Variants in ZCCHC14 observed in about 807,000 individuals in gnomAD.
ZCCHC14 encodes zinc finger CCHC domain-containing protein 14.
Under a neutral mutation model 85.0 loss-of-function variants are expected in ZCCHC14, and 16 were observed. The observed-to-expected ratio is 0.19, with a 90% CI of 0.13 to 0.29. The LOEUF (loss-of-function observed/expected upper bound fraction) is 0.29, where lower values mean the gene tolerates loss of function less well. Among genes scored for constraint, ZCCHC14 ranks in the 10% least tolerant of loss-of-function variants. ZCCHC14 has a pLI of 1.00. For missense variants in ZCCHC14, 1,303 were observed against 1,443.5 expected (o/e 0.90, Z 1.58); for synonymous variants, 775 against 630.7 (o/e 1.23, Z -3.43).
intron 1 of ZCCHC14, among the ~76,000 whole-genome samples, chr16:87,481,360 A>G (rs372400399): frequency 4.6e-5 from 7 of 152,008 alleles, no homozygotes; most frequent in South Asian, 2.1e-4. Flanking sequence ...ACAGATTTCT[A>G]ATCAGAAGCA....
chr16:87,483,990 C>G (rs571303121), intron 1 of ZCCHC14, among the ~76,000 whole-genome samples: 2 of 152,310 alleles, frequency 1.3e-5, no homozygotes, highest in South Asian at 4.1e-4. Flanking sequence ...ACTGAACAAG[C>G]TCTTTATGGA....
chr16:87,477,131 AAAAAAAAAAACAAAAC>A (rs1383629344), intron 1 of ZCCHC14, among the ~76,000 whole-genome samples: 6 of 144,258 alleles, frequency 4.2e-5, no homozygotes, highest in African/African-American at 1.6e-4. Context: ...AAAAAAAAAA[AAAAAAAAAAACAAAAC>A]AAAACCAAAA....
intron 1 of ZCCHC14, among the ~76,000 whole-genome samples, chr16:87,460,997 T>C (rs1292787737): frequency 6.6e-6 from 1 of 152,238 alleles, no homozygotes; most frequent in East Asian, 1.9e-4. Flanking sequence ...AATGACCTGA[T>C]GGGGTGTGCC....
Position 87,412,586 on chromosome 16 carries a change from A to G in ZCCHC14, c.2135T>C (p.Leu712Pro), listed in dbSNP as rs1455468564. The G allele has an allele frequency of 6.2e-7, 1 of 1,614,168 alleles. No individual in the cohort carries two copies. The highest frequency in any genetic ancestry group is 8.5e-7 in the Non-Finnish European group (1 of 1,180,030). ...ASAPHQPVQVLSGLSESSSMS... is the reference protein window; with the variant it reads ...ASAPHQPVQVPSGLSESSSMS... ...GGAGCTGCTCTCCGAAAGCCCAGAGAGGACCTGCACAGGCTGGTGGGGTGC... is the reference window on the plus strand; with the variant it reads ...GGAGCTGCTCTCCGAAAGCCCAGAGGGGACCTGCACAGGCTGGTGGGGTGC... The change falls in exon 12 of 13, where the codon CTC (leucine) becomes CCC (proline). Residue 712 changes from leucine to proline, a missense_variant. Around this residue, in one of 7 missense-constraint regions of ZCCHC14, gnomAD observed 797 missense variants for 730.8 expected, o/e 1.09. Transcript: ENST00000671377.
Position 87,491,589 on chromosome 16 carries a change from C to T in ZCCHC14, c.570+80G>A. The T allele has an allele frequency of 1.6e-6, 2 of 1,267,904 alleles. No homozygotes were observed. Among genetic ancestry groups the T allele is most frequent in the Non-Finnish European group, 2.0e-6 (2 of 990,122 alleles). The allele number at this position is 1,267,904 out of a possible 1,614,324, so 78.5% of individuals were successfully genotyped here. A position where few individuals can be genotyped will look rare whatever the true frequency, so the allele number is the denominator to read the frequency against. On this transcript the variant is annotated intron_variant, in intron 1 of 12. Coordinates refer to ENST00000671377, the MANE Select transcript of ZCCHC14 (RefSeq NM_015144.3). This position sits in a 1 kb window ranked among gnomAD's most constrained non-coding sequence, Gnocchi z 5.9. ...GCTGGAGGCGTGGGTCGGGGGGTCGCGGTGCAGGCTGGAGGCTTGGAGTGC... is the reference window on the plus strand; with the variant it reads ...GCTGGAGGCGTGGGTCGGGGGGTCGTGGTGCAGGCTGGAGGCTTGGAGTGC...
chr16:87,447,396 C>T (rs1910493958), intron 2 of ZCCHC14, among the ~76,000 whole-genome samples: 1 of 152,094 alleles, frequency 6.6e-6, no homozygotes, highest in South Asian at 2.1e-4. Flanking sequence ...TTTATATGCC[C>T]ATGTGATCAC....
intron 2 of ZCCHC14, among the ~76,000 whole-genome samples, chr16:87,447,897 A>G (rs1347311865): frequency 6.6e-6 from 1 of 152,224 alleles, no homozygotes; most frequent in African/African-American, 2.4e-5. Context: ...CTCGGTGAAT[A>G]GAAATGATAC....
chr16:87,459,068 G>A (rs144934614), intron 2 of ZCCHC14, among the ~76,000 whole-genome samples: 8 of 152,276 alleles, frequency 5.3e-5, no homozygotes, highest in African/African-American at 1.9e-4. Context: ...TCATAACACG[G>A]CAGAGGCTGG....
chr16:87,429,889 G>C (rs1187131791), intron 3 of ZCCHC14, among the ~76,000 whole-genome samples: 1 of 152,210 alleles, frequency 6.6e-6, no homozygotes. Flanking sequence ...TTACAGGCGT[G>C]AGCCACCGCG....
At chr16:87,455,310 A>G (rs745388765) in intron 2 of ZCCHC14, among the ~76,000 whole-genome samples, 1 of 151,902 alleles carries the variant, frequency 6.6e-6, no homozygotes, top group Non-Finnish European at 1.5e-5. Context: ...GCAAAAAAAA[A>G]TACTGGAAAG....
rs1328654632 is a variant in ZCCHC14, at chr16:87,415,260, C to T, written c.1475+16G>A. On this transcript the variant is annotated intron_variant, in intron 9 of 12. Coordinates refer to ENST00000671377, the MANE Select transcript of ZCCHC14 (RefSeq NM_015144.3). The stretch of plus-strand genomic sequence containing the variant: ...ATGGAAATAAACACAGGTTTCAAAA[C>T]CCACTTCACACTCACTTTTCCAGCT... 19 of 1,613,088 alleles carry T rather than the reference C, an allele frequency of 1.2e-5. No individual in the cohort carries two copies. Among genetic ancestry groups the T allele is most frequent in the Admixed American group, 1.7e-5 (1 of 59,950 alleles).
In ZCCHC14 at chr16:87,412,724, G is replaced by T; in HGVS notation, c.1997C>A (p.Ser666Tyr). 1.2e-6 allele frequency: 2 copies of T among 1,614,244 alleles called. No individual in the cohort carries two copies. The highest frequency in any genetic ancestry group is 2.7e-5 in the African/African-American group (2 of 75,066). Residue 666 changes from serine (S) to tyrosine (Y), a missense_variant, in exon 12 of 13, where the codon TCT becomes TAT. By Grantham distance (144) the Ser-to-Tyr change is moderately radical. This residue lies in a region of ZCCHC14 where 797 missense variants were observed against 730.8 expected (regional missense o/e 1.09). Transcript: ENST00000671377. ...GSADMKLLSS[S>Y]VHSLLSLEER... is the part of the protein sequence containing the mutation. ...TTCTAGAGACAAAAGTGAGTGCACA[G>T]AAGACGAGAGGAGCTTCATGTCCGC...
At position 87,409,785 on chromosome 16, in the gene ZCCHC14, G is replaced by C. The variant is rs1908353633; in HGVS notation, c.*495C>G. On this transcript the variant is annotated 3_prime_UTR_variant, in exon 13 of 13. Coordinates refer to ENST00000671377, the MANE Select transcript of ZCCHC14 (RefSeq NM_015144.3). Reference sequence around the variant, plus strand: ...ACATCAGGGTACATTCTTCTGTAGTGCAATCCTTAAAAATCCCAGAGATTA... The same window carrying C: ...ACATCAGGGTACATTCTTCTGTAGTCCAATCCTTAAAAATCCCAGAGATTA... 6.5e-6 allele frequency: 1 copy of C among 152,924 alleles called. No individual in the cohort carries two copies. The highest frequency in any genetic ancestry group is 2.4e-5 in the African/African-American group (1 of 41,438). 9.5% of individuals were successfully genotyped at this position (152,924 alleles called of 1,614,324 possible). A position where few individuals can be genotyped will look rare whatever the true frequency, so the allele number is the denominator to read the frequency against.
intron 2 of ZCCHC14, among the ~76,000 whole-genome samples, chr16:87,447,142 G>A (rs1166858516): frequency 2.0e-5 from 3 of 152,136 alleles, no homozygotes; most frequent in African/African-American, 7.2e-5. Context: ...AAGCTCTTTT[G>A]GGGCAGAGCC....
intron 2 of ZCCHC14, among the ~76,000 whole-genome samples, chr16:87,440,751 C>T (rs1170999163): frequency 6.6e-6 from 1 of 152,048 alleles, no homozygotes; most frequent in Admixed American, 6.6e-5. Context: ...GCTCTACAGG[C>T]ATGCATCACC....
At chr16:87,411,195 A>G (rs532743896) in intron 12 of ZCCHC14, among the ~76,000 whole-genome samples, 68 of 152,324 alleles carry the variant, frequency 4.5e-4, no homozygotes, top group Admixed American at 4.0e-3. Flanking sequence ...CCCAGTGTTA[A>G]GCCAGGGGGC....
chr16:87,489,209 C>T (rs1395462912), intron 1 of ZCCHC14, among the ~76,000 whole-genome samples: 1 of 152,126 alleles, frequency 6.6e-6, no homozygotes, highest in Non-Finnish European at 1.5e-5. Context: ...AGCAGTGACA[C>T]TAGGGATGTA....
At chr16:87,421,143 C>T (rs1369585127) in intron 4 of ZCCHC14, among the ~76,000 whole-genome samples, 4 of 152,226 alleles carry the variant, frequency 2.6e-5, no homozygotes, top group South Asian at 2.1e-4. Flanking sequence ...GAGCCCCAGG[C>T]GGGGCAAGTG....
chr16:87,491,524 T>G lies in ZCCHC14; in HGVS notation c.570+145A>C. The G allele has an allele frequency of 1.6e-6, 1 of 619,548 alleles. No individual in the cohort carries two copies. Among genetic ancestry groups the G allele is most frequent in the Non-Finnish European group, 2.4e-6 (1 of 416,488 alleles). 38.4% of individuals were successfully genotyped at this position (619,548 alleles called of 1,614,324 possible). Reference sequence around the variant, plus strand: ...GCTTGGGATACGGGCTGGGGGCTCGTGGTGCAGGTTGGAGACCTGGGTGGG... The same window carrying G: ...GCTTGGGATACGGGCTGGGGGCTCGGGGTGCAGGTTGGAGACCTGGGTGGG... On this transcript the variant is annotated intron_variant, in intron 1 of 12. Coordinates refer to ENST00000671377, the MANE Select transcript of ZCCHC14 (RefSeq NM_015144.3). The surrounding 1 kb of genome is among the most constrained non-coding windows in gnomAD (Gnocchi z 5.9).
Sources: allele counts gnomAD v4.1 joint callset (sites outside exome capture counted in the v4.1 genomes callset), GRCh38; gene constraint gnomAD v4.1.1; regional missense constraint gnomAD v4.1.1; non-coding constraint Gnocchi (gnomAD v3.1); transcripts MANE v1.5; gene names NCBI Gene and HGNC (gene_info 2026-07-23, HGNC 2026-07-21).